BICRAL: variants seen among roughly 807,000 people sequenced by gnomAD.
BICRAL encodes the protein BICRA like chromatin remodeling complex associated protein.
BICRAL carries 8 observed loss-of-function variants against 91.8 expected under a neutral mutation model. The ratio of observed to expected loss-of-function variants is 0.09; its 90% CI spans 0.05 to 0.16. The LOEUF (loss-of-function observed/expected upper bound fraction) is 0.16, where lower values mean the gene tolerates loss of function less well. BICRAL is among the 10% of genes least tolerant of loss of function. The probability of loss-of-function intolerance (pLI) is 1.00; values close to 1 mark genes in which losing one functional copy is unlikely to be tolerated. For synonymous variants in BICRAL, 445 were observed against 491.1 expected (o/e 0.91, Z 1.24); for missense variants, 1,038 against 1,310.9 (o/e 0.79, Z 3.21).
rs867182456 is a variant in BICRAL at position 42,794,076 on chromosome 6, C to T, written c.-102+11975C>T. Among the ~76,000 whole-genome samples, 144 of 151,784 alleles carry T rather than the reference C, an allele frequency of 9.5e-4. 1 individual carries two copies. Among genetic ancestry groups the T allele is most frequent in the African/African-American group, 3.2e-3 (134 of 41,358 alleles). On this transcript the variant is annotated intron_variant, in intron 1 of 12. Coordinates refer to ENST00000314073, the MANE Select transcript of BICRAL (RefSeq NM_001393499.1). The stretch of plus-strand genomic sequence containing the variant: ...AAAGAAAAAATTTGAGACAGGGGCT[C>T]GCTGTGTTGCCCAAGCTGGTCTTGA...
chr6:42,860,743 G>A (rs1336877201), intron 11 of BICRAL, among the ~76,000 whole-genome samples: 14 of 152,248 alleles, frequency 9.2e-5, no homozygotes, highest in Non-Finnish European at 1.2e-4. Flanking sequence ...AAGGACTGGA[G>A]GCACATCTGA....
intron 1 of BICRAL, among the ~76,000 whole-genome samples, chr6:42,809,263 T>C (rs1053407180): frequency 4.2e-4 from 64 of 152,090 alleles, no homozygotes; most frequent in African/African-American, 1.5e-3. Context: ...GCAAAGGATA[T>C]GAACTCATTC....
chr6:42,842,664 C>T (rs1018510072), intron 6 of BICRAL, among the ~76,000 whole-genome samples: 1 of 152,192 alleles, frequency 6.6e-6, no homozygotes, highest in South Asian at 2.1e-4. Flanking sequence ...TTTTCAGTCC[C>T]TTCACTGATC....
At chr6:42,800,415 C>T (rs1021963079) in intron 1 of BICRAL, among the ~76,000 whole-genome samples, 11 of 152,156 alleles carry the variant, frequency 7.2e-5, no homozygotes, top group African/African-American at 1.4e-4. Context: ...CCGTCCACTT[C>T]GGCCCCCCAA....
chr6:42,796,547 G>A (rs1763417242), intron 1 of BICRAL, among the ~76,000 whole-genome samples: 1 of 152,142 alleles, frequency 6.6e-6, no homozygotes, highest in South Asian at 2.1e-4. Context: ...GGAGAGTTTT[G>A]ATTTCTGTTT....
intron 6 of BICRAL, among the ~76,000 whole-genome samples, chr6:42,840,370 G>A (rs1471003171): frequency 6.6e-6 from 1 of 151,650 alleles, no homozygotes; most frequent in South Asian, 2.1e-4. Flanking sequence ...AGCCTCCCAA[G>A]TAGCTGAGAG....
At chr6:42,752,726 C>T (rs897324647) in intron 1 of BICRAL, among the ~76,000 whole-genome samples, 1 of 151,946 alleles carries the variant, frequency 6.6e-6, no homozygotes, top group Non-Finnish European at 1.5e-5. Flanking sequence ...GCCCCAGCCT[C>T]CTTAGTAGCT....
At chr6:42,779,440 C>G (rs1284983554), upstream of BICRAL, among the ~76,000 whole-genome samples, 1 of 151,988 alleles carries the variant, frequency 6.6e-6, no homozygotes, top group Non-Finnish European at 1.5e-5. Flanking sequence ...TTTTCCAAGC[C>G]AATTAGAAAA....
chr6:42,840,219 TTTTGTTTGTTTGTTTG>T (rs143931324), intron 6 of BICRAL, among the ~76,000 whole-genome samples: 32 of 150,394 alleles, frequency 2.1e-4, no homozygotes, highest in East Asian at 4.0e-4. Context: ...TTTTGTTCTT[TTTTGTTTGTTTGTTTG>T]TTTGTTTGTT....
At chr6:42,767,531 G>A (rs1388565848) in intron 1 of BICRAL, among the ~76,000 whole-genome samples, 1 of 152,156 alleles carries the variant, frequency 6.6e-6, no homozygotes, top group Non-Finnish European at 1.5e-5. Context: ...TAATCCAGTG[G>A]GTGTTTGTTG....
chr6:42,864,429 T>A (rs1765647431), intron 12 of BICRAL, among the ~76,000 whole-genome samples: 1 of 152,218 alleles, frequency 6.6e-6, no homozygotes, highest in African/African-American at 2.4e-5. Context: ...ATCTACCTTT[T>A]CAAAAGGTTT....
At chr6:42,855,789 A>G in intron 8 of BICRAL, 67 bp from the exon 9 acceptor site, 10 of 1,217,324 alleles carry the variant, frequency 8.2e-6, no homozygotes, top group Non-Finnish European at 1.2e-5. Context: ...AACTATAGTG[A>G]CCTTTATGTA....
intron 8 of BICRAL, 69 bp downstream of exon 8, chr6:42,853,807 C>G: frequency 8.6e-7 from 1 of 1,168,094 alleles, no homozygotes; most frequent in Non-Finnish European, 1.3e-6. Context: ...GTCGTGCTAT[C>G]TTTGTGGTTG....
intron 1 of BICRAL, among the ~76,000 whole-genome samples, chr6:42,789,650 A>G (rs1763210093): frequency 1.3e-5 from 2 of 152,102 alleles, no homozygotes; most frequent in African/African-American, 4.8e-5. Flanking sequence ...AAAAAAAAAA[A>G]AAAAAAGAAT....
intron 1 of BICRAL, among the ~76,000 whole-genome samples, chr6:42,775,760 T>C (rs1011091786): frequency 9.9e-5 from 15 of 152,156 alleles, no homozygotes; most frequent in African/African-American, 3.4e-4. Context: ...TCAAGGAAAA[T>C]AACCAGCTTG....
chr6:42,760,889 G>A (rs1762532994), intron 1 of BICRAL, among the ~76,000 whole-genome samples: 1 of 152,112 alleles, frequency 6.6e-6, no homozygotes, highest in Admixed American at 6.6e-5. Flanking sequence ...GGGCATGCTG[G>A]CTGGCGCCTG....
intron 1 of BICRAL, among the ~76,000 whole-genome samples, chr6:42,789,608 C>T (rs559948361): frequency 2.0e-5 from 3 of 148,892 alleles, no homozygotes; most frequent in African/African-American, 7.5e-5. Context: ...TCCCACTGCA[C>T]TCCAGCCTGG....
chr6:42,764,447 G>A (rs1425739858), intron 1 of BICRAL, among the ~76,000 whole-genome samples: 1 of 151,652 alleles, frequency 6.6e-6, no homozygotes, highest in Admixed American at 6.6e-5. Flanking sequence ...AGCTACTCCA[G>A]AGGCTGAGGT....
chr6:42,769,421 C>G (rs1472502418), intron 1 of BICRAL, among the ~76,000 whole-genome samples: 1 of 152,178 alleles, frequency 6.6e-6, no homozygotes, highest in African/African-American at 2.4e-5. Context: ...CTATTGGTCA[C>G]CCAAACCAAC....
Sources: allele counts gnomAD v4.1 joint callset (sites outside exome capture counted in the v4.1 genomes callset), GRCh38; gene constraint gnomAD v4.1.1; transcripts MANE v1.5; gene names NCBI Gene and HGNC (gene_info 2026-07-23, HGNC 2026-07-21).